Variants in GMDS observed in about 807,000 individuals in gnomAD.
The protein encoded by GMDS is GDP-mannose 4,6-dehydratase, also known as GDP-mannose 4,6 dehydratase.
Under a neutral mutation model 49.9 loss-of-function variants are expected in GMDS, and 20 were observed. That is an observed-to-expected ratio of 0.40 (90% CI 0.28 to 0.58). GMDS has a LOEUF of 0.58. GMDS is among the 20% of genes least tolerant of loss of function. The pLI is 0.42. For missense variants in GMDS, 362 were observed against 481.4 expected, an observed-to-expected ratio of 0.75 and a Z score of 2.32; for synonymous variants, 177 against 178.6, an observed-to-expected ratio of 0.99 and a Z score of 0.07.
At chr6:1,624,417 C>G in intron 10 of GMDS, 55 bp downstream of exon 10, 1 of 1,502,700 alleles carries the variant, frequency 6.7e-7, no homozygotes, top group Non-Finnish European at 9.2e-7. Context: ...TGAGAGCTGC[C>G]GCCCTGCAGC....
At chr6:2,067,858 C>G (rs1259015378) in intron 4 of GMDS, among the ~76,000 whole-genome samples, 1 of 151,984 alleles carries the variant, frequency 6.6e-6, no homozygotes, top group Non-Finnish European at 1.5e-5. Context: ...TGCTACCATT[C>G]CTTCTGAAAC....
At chr6:1,802,844 C>T (rs1023770065) in intron 7 of GMDS, among the ~76,000 whole-genome samples, 4 of 152,190 alleles carry the variant, frequency 2.6e-5, no homozygotes, top group African/African-American at 9.7e-5. Flanking sequence ...CCTGTCTGTA[C>T]TGAAGCAGTC....
intron 1 of GMDS, among the ~76,000 whole-genome samples, chr6:2,165,410 G>A (rs1160466029): frequency 6.6e-6 from 1 of 152,214 alleles, no homozygotes; most frequent in East Asian, 1.9e-4. Flanking sequence ...CCATGTCCCA[G>A]CTCATGGATA....
intron 1 of GMDS, among the ~76,000 whole-genome samples, chr6:2,200,863 G>A (rs568097626): frequency 5.5e-5 from 8 of 145,740 alleles, no homozygotes; most frequent in South Asian, 4.6e-4. Flanking sequence ...TGTTAGCAGA[G>A]AGGTGAAGGA....
intron 7 of GMDS, among the ~76,000 whole-genome samples, chr6:1,847,259 T>C (rs1177650582): frequency 1.3e-5 from 2 of 152,168 alleles, no homozygotes; most frequent in Non-Finnish European, 2.9e-5. Context: ...TCTTCCTGTG[T>C]TGCTCAAGCT....
chr6:2,163,434 TGTGA>T (rs1005260210), intron 1 of GMDS, among the ~76,000 whole-genome samples: 2 of 145,288 alleles, frequency 1.4e-5, no homozygotes, highest in African/African-American at 5.7e-5. Context: ...TGTGTGTGTG[TGTGA>T]GAGAGAGAGA....
intron 1 of GMDS, among the ~76,000 whole-genome samples, chr6:2,226,259 G>A (rs986452651): frequency 2.0e-5 from 3 of 152,168 alleles, no homozygotes; most frequent in Non-Finnish European, 4.4e-5. Context: ...CATGAAACCC[G>A]TGAAGTCAGA....
chr6:2,011,316 G>A (rs922432146), intron 4 of GMDS, among the ~76,000 whole-genome samples: 1 of 152,184 alleles, frequency 6.6e-6, no homozygotes, highest in Non-Finnish European at 1.5e-5. Flanking sequence ...TGGTGAGGAT[G>A]CAAAGAGAAG....
At chr6:1,652,243 G>C (rs900208132) in intron 9 of GMDS, among the ~76,000 whole-genome samples, 6 of 144,588 alleles carry the variant, frequency 4.1e-5, no homozygotes, top group African/African-American at 1.6e-4. Context: ...GTGGTGGCAG[G>C]CACCTGTAAT....
intron 7 of GMDS, among the ~76,000 whole-genome samples, chr6:1,800,462 A>T (rs1411218739): frequency 6.6e-6 from 1 of 151,990 alleles, no homozygotes; most frequent in Non-Finnish European, 1.5e-5. Context: ...TTTGAGATGG[A>T]GTCTAGCTCT....
chr6:1,854,817 A>G (rs1757873759), intron 7 of GMDS, among the ~76,000 whole-genome samples: 1 of 152,232 alleles, frequency 6.6e-6, no homozygotes. Flanking sequence ...ATTATCCTGG[A>G]ATATTTCCTT....
intron 4 of GMDS, among the ~76,000 whole-genome samples, chr6:1,998,544 T>A (rs1766439285): frequency 6.6e-6 from 1 of 152,164 alleles, no homozygotes; most frequent in Admixed American, 6.6e-5. Context: ...GCCCTTCGTA[T>A]CCATAGGTTC....
chr6:2,117,447 C>G, intron 3 of GMDS, 22 bp downstream of exon 3: 1 of 1,338,754 alleles, frequency 7.5e-7, no homozygotes, highest in Non-Finnish European at 1.1e-6. Context: ...GAAAGAGATT[C>G]TAGAAAAAGA....
intron 7 of GMDS, among the ~76,000 whole-genome samples, chr6:1,864,925 A>G (rs1330233648): frequency 6.6e-6 from 1 of 152,224 alleles, no homozygotes; most frequent in African/African-American, 2.4e-5. Context: ...AATAGTTTTG[A>G]ACATTGTTTC....
chr6:2,048,467 G>A (rs1008871020), intron 4 of GMDS, among the ~76,000 whole-genome samples: 1 of 152,168 alleles, frequency 6.6e-6, no homozygotes, highest in African/African-American at 2.4e-5. Flanking sequence ...AACCACCTGA[G>A]CAGTTCTTCC....
intron 7 of GMDS, among the ~76,000 whole-genome samples, chr6:1,794,479 T>C (rs1769662631): frequency 6.6e-6 from 1 of 152,172 alleles, no homozygotes; most frequent in Non-Finnish European, 1.5e-5. Context: ...GTCGAAACCA[T>C]GGAATGTTCT....
At chr6:1,950,570 T>C (rs1049254142) in intron 6 of GMDS, among the ~76,000 whole-genome samples, 3 of 152,218 alleles carry the variant, frequency 2.0e-5, no homozygotes, top group Admixed American at 1.3e-4. Flanking sequence ...CTGGAGCTAT[T>C]TGAATCCGAA....
At chr6:1,710,366 C>T (rs1295704295) in intron 9 of GMDS, among the ~76,000 whole-genome samples, 1 of 152,220 alleles carries the variant, frequency 6.6e-6, no homozygotes, top group Non-Finnish European at 1.5e-5. Context: ...TGATCAGATG[C>T]CTAAAACAGC....
chr6:2,008,267 T>C (rs1427078246), intron 4 of GMDS, among the ~76,000 whole-genome samples: 1 of 152,222 alleles, frequency 6.6e-6, no homozygotes, highest in Non-Finnish European at 1.5e-5. Flanking sequence ...TTTAACATCG[T>C]TTTAAATGTA....
Sources: allele counts gnomAD v4.1 joint callset (sites outside exome capture counted in the v4.1 genomes callset), GRCh38; gene constraint gnomAD v4.1.1; transcripts MANE v1.5; gene names NCBI Gene and HGNC (gene_info 2026-07-23, HGNC 2026-07-21).